Variants in KLHL3 observed in about 807,000 individuals in gnomAD.
KLHL3 encodes the protein kelch-like protein 3.
Under a neutral mutation model 70.5 loss-of-function variants are expected in KLHL3, and 19 were observed. The observed-to-expected ratio is 0.27, with a 90% CI of 0.19 to 0.40. The LOEUF is 0.40. Ranked by LOEUF, KLHL3 falls within the 10% of genes least tolerant of loss-of-function variation. KLHL3 has a pLI of 1.00. For missense variants in KLHL3, 512 were observed against 771.1 expected, an observed-to-expected ratio of 0.66 and a Z score of 3.98; for synonymous variants, 258 against 290.3, an observed-to-expected ratio of 0.89 and a Z score of 1.13.
At chr5:137,667,823 T>C (rs1359009736) in intron 6 of KLHL3, among the ~76,000 whole-genome samples, 2 of 152,338 alleles carry the variant, frequency 1.3e-5, no homozygotes, top group African/African-American at 2.4e-5. Context: ...TAGGTTCCTA[T>C]ACATGGACCT....
intron 3 of KLHL3, among the ~76,000 whole-genome samples, chr5:137,705,445 C>T (rs1752666918): frequency 6.6e-6 from 1 of 152,224 alleles, no homozygotes; most frequent in African/African-American, 2.4e-5. Context: ...CCTGAACTCT[C>T]CTCTCTATTT....
At chr5:137,729,786 T>G (rs1753143010) in intron 1 of KLHL3, among the ~76,000 whole-genome samples, 1 of 152,110 alleles carries the variant, frequency 6.6e-6, no homozygotes, top group Non-Finnish European at 1.5e-5. Context: ...AAGACCAAAA[T>G]GATCAAACTT....
In KLHL3 at chr5:137,639,358, T is replaced by TTAACTCC. The variant is rs920425881; in HGVS notation, c.1022-215_1022-209dup. On this transcript the variant is annotated intron_variant, in intron 9 of 14. Coordinates refer to ENST00000309755, the MANE Select transcript of KLHL3 (RefSeq NM_017415.3). The surrounding 1 kb of genome is among the most constrained non-coding windows in gnomAD (Gnocchi z 5.0). Reference sequence around the variant, plus strand: ...ATTCAAGTAAATATTTGAATCAGCTTTAACTCCCCAAGCTCATAAGAACTG... The same window carrying TTAACTCC: ...ATTCAAGTAAATATTTGAATCAGCTTTAACTCCTAACTCCCCAAGCTCATAAGAACTG... Among the ~76,000 whole-genome samples the TTAACTCC allele has an allele frequency of 3.3e-5, 5 of 152,174 alleles. No individual in the cohort carries two copies. The highest frequency in any genetic ancestry group is 1.2e-4 in the African/African-American group (5 of 41,434).
chr5:137,722,673 C>T (rs548548227), intron 1 of KLHL3, among the ~76,000 whole-genome samples: 1 of 152,202 alleles, frequency 6.6e-6, no homozygotes, highest in African/African-American at 2.4e-5. Flanking sequence ...CTTATTTCAT[C>T]TGATACTTAT....
At chr5:137,731,527 A>C (rs992711113) in intron 1 of KLHL3, among the ~76,000 whole-genome samples, 16 of 152,142 alleles carry the variant, frequency 1.1e-4, no homozygotes, top group Non-Finnish European at 1.9e-4. Context: ...AATATTCTCT[A>C]TCTGTCGTTC....
intron 14 of KLHL3, 81 bp from the exon 15 acceptor site, chr5:137,622,207 T>G: frequency 3.2e-5 from 47 of 1,477,650 alleles, no homozygotes; most frequent in Non-Finnish European, 4.2e-5. Flanking sequence ...GAATCCAAGA[T>G]ATCCTGAGTC....
intron 12 of KLHL3, among the ~76,000 whole-genome samples, chr5:137,631,196 C>G (rs1193400725): frequency 1.3e-5 from 2 of 152,044 alleles, no homozygotes; most frequent in Non-Finnish European, 2.9e-5. Flanking sequence ...TCACCACTGA[C>G]CACAGGAACC....
chr5:137,672,626 A>G (rs1475399322), intron 6 of KLHL3: 1 of 152,224 alleles, frequency 6.6e-6, no homozygotes. Flanking sequence ...ATAGTGTTTC[A>G]TAAGAAGGCA....
At chr5:137,641,078 T>C (rs556214709) in intron 8 of KLHL3, among the ~76,000 whole-genome samples, 1 of 152,326 alleles carries the variant, frequency 6.6e-6, no homozygotes, top group South Asian at 2.1e-4. Flanking sequence ...GGTCACATGT[T>C]ATTAATAAAT....
At chr5:137,688,425 C>T (rs1036373691) in intron 5 of KLHL3, among the ~76,000 whole-genome samples, 1 of 152,162 alleles carries the variant, frequency 6.6e-6, no homozygotes, top group Non-Finnish European at 1.5e-5. Context: ...AAGAAGACAC[C>T]CACATGGCGC....
chr5:137,726,854 T>C (rs902875749), intron 1 of KLHL3, among the ~76,000 whole-genome samples: 4 of 152,202 alleles, frequency 2.6e-5, no homozygotes, highest in African/African-American at 9.6e-5. Context: ...CCAACACTTT[T>C]ATTTTTTAAT....
At chr5:137,705,181 C>T (rs561202917) in intron 3 of KLHL3, among the ~76,000 whole-genome samples, 1 of 152,336 alleles carries the variant, frequency 6.6e-6, no homozygotes, top group African/African-American at 2.4e-5. Context: ...GCCTTGTATT[C>T]AGTTTTGCTG....
At chr5:137,634,004 A>T in intron 12 of KLHL3, 33 bp downstream of exon 12, 1 of 1,613,892 alleles carries the variant, frequency 6.2e-7, no homozygotes, top group Non-Finnish European at 8.5e-7. Context: ...TGAGCAAATC[A>T]GACACAGCCA....
chr5:137,661,376 T>C (rs1252940366), intron 7 of KLHL3: 1 of 152,288 alleles, frequency 6.6e-6, no homozygotes, highest in East Asian at 1.9e-4. Context: ...TTAATTTTTC[T>C]TTCCTTTTCA....
intron 6 of KLHL3, chr5:137,672,712 T>A (rs1751790894): frequency 6.6e-6 from 1 of 152,136 alleles, no homozygotes; most frequent in African/African-American, 2.4e-5. Flanking sequence ...ACTTGCTAGG[T>A]CCCACAGCAA....
intron 8 of KLHL3, among the ~76,000 whole-genome samples, chr5:137,655,970 A>G (rs1034585786): frequency 7.0e-6 from 1 of 142,580 alleles, no homozygotes; most frequent in Admixed American, 7.2e-5. Flanking sequence ...CGGCCTGGGT[A>G]GAAGAACAAG....
rs1281107714 is a variant in KLHL3, at chr5:137,639,817, C to T, written c.1021+43G>A. 1 of 1,463,430 alleles carries T rather than the reference C, an allele frequency of 6.8e-7. No homozygotes were observed. The highest frequency in any genetic ancestry group is 9.6e-7 in the Non-Finnish European group (1 of 1,043,212). 90.7% of individuals were successfully genotyped at this position (1,463,430 alleles called of 1,614,324 possible). ...CACGACTTCTGGCACGGAGTGGGGACCAGCAGGGGAAAAACAGCTTGCAGA... is the reference window on the plus strand; with the variant it reads ...CACGACTTCTGGCACGGAGTGGGGATCAGCAGGGGAAAAACAGCTTGCAGA... On this transcript the variant is annotated intron_variant, in intron 9 of 14. Coordinates refer to ENST00000309755, the MANE Select transcript of KLHL3 (RefSeq NM_017415.3). This position sits in a 1 kb window ranked among gnomAD's most constrained non-coding sequence, Gnocchi z 5.0.
intron 3 of KLHL3, among the ~76,000 whole-genome samples, chr5:137,704,396 A>AC (rs2149926207): frequency 6.6e-6 from 1 of 152,252 alleles, no homozygotes; most frequent in South Asian, 2.1e-4. Context: ...CGTCTCAAAA[A>AC]AAAAAAAAGA....
chr5:137,664,434 T>C (rs1223989911), intron 6 of KLHL3, among the ~76,000 whole-genome samples: 1 of 151,322 alleles, frequency 6.6e-6, no homozygotes, highest in Admixed American at 6.6e-5. Flanking sequence ...CAAAAAAAAA[T>C]GCCTGTAAAA....
Sources: gnomAD v4.1 joint callset for allele counts (sites outside exome capture counted in the v4.1 genomes callset) on GRCh38, gnomAD v4.1.1 for gene constraint, Gnocchi (gnomAD v3.1) non-coding constraint, MANE v1.5 for transcripts, NCBI Gene and HGNC (gene_info 2026-07-23, HGNC 2026-07-21) for gene names.